The following TAFA2 variants were observed in gnomAD, a reference collection of about 807,000 sequenced individuals.
The protein encoded by TAFA2 is chemokine-like protein TAFA-2.
In TAFA2, 7 loss-of-function variants were observed where a neutral mutation model predicts 18.8. That is an observed-to-expected ratio of 0.37 (90% CI 0.21 to 0.70). The LOEUF is 0.70. Ranked by LOEUF, TAFA2 falls within the 30% of genes least tolerant of loss-of-function variation. The pLI is 0.53. For synonymous variants in TAFA2, 60 were observed against 54.2 expected (o/e 1.11, Z -0.47); for missense variants, 122 against 158.1 (o/e 0.77, Z 1.23).
chr12:61,995,748 T>C (rs1309475743), intron 1 of TAFA2, among the ~76,000 whole-genome samples: 1 of 152,158 alleles, frequency 6.6e-6, no homozygotes, highest in Non-Finnish European at 1.5e-5. Flanking sequence ...TTGTTACGGC[T>C]TAGGGTAGAT....
At chr12:61,783,716 T>G (rs1870605050) in intron 2 of TAFA2, among the ~76,000 whole-genome samples, 1 of 151,610 alleles carries the variant, frequency 6.6e-6, no homozygotes, top group Non-Finnish European at 1.5e-5. Context: ...TTAAAATTAT[T>G]TTAAATTTAA....
chr12:62,169,262 C>T (rs1407080374), intron 1 of TAFA2, among the ~76,000 whole-genome samples: 1 of 152,116 alleles, frequency 6.6e-6, no homozygotes, highest in Non-Finnish European at 1.5e-5. Flanking sequence ...GTTAGGTGAT[C>T]TGGCCAATAC....
intron 1 of TAFA2, among the ~76,000 whole-genome samples, chr12:62,153,983 T>G (rs569559371): frequency 6.6e-6 from 1 of 152,060 alleles, no homozygotes; most frequent in South Asian, 2.1e-4. Context: ...TATGTTATGT[T>G]GTTTTGTACT....
rs115221001 is a variant in TAFA2 at position 62,053,581 on chromosome 12, T to C, written c.-2+137678A>G. On this transcript the variant is annotated intron_variant, in intron 1 of 4. Coordinates refer to ENST00000416284, the MANE Select transcript of TAFA2 (RefSeq NM_178539.5). The stretch of plus-strand genomic sequence containing the variant: ...TACGTATTGTTTACTAAAAACTTAT[T>C]TTAGCCAAAAATAACACAAAGCTTC... Among the ~76,000 whole-genome samples the C allele has an allele frequency of 4.9e-3, 746 of 152,346 alleles. 6 individuals are homozygous for C. The highest frequency in any genetic ancestry group is 0.017 in the African/African-American group (718 of 41,582).
intron 2 of TAFA2, among the ~76,000 whole-genome samples, chr12:61,848,915 C>T (rs183710206): frequency 8.0e-5 from 12 of 150,580 alleles, no homozygotes; most frequent in African/African-American, 9.8e-5. Context: ...GTTCTCAGCT[C>T]ACTGCAACCT....
At chr12:62,235,226 G>A (rs894237585) in intron 1 of TAFA2, 9 of 644,902 alleles carry the variant, frequency 1.4e-5, no homozygotes, top group African/African-American at 3.6e-5. Flanking sequence ...AGTAGCTCAC[G>A]CCATGCTCAG....
chr12:61,830,128 G>A (rs1213885211), intron 2 of TAFA2, among the ~76,000 whole-genome samples: 2 of 151,232 alleles, frequency 1.3e-5, no homozygotes, highest in Non-Finnish European at 3.0e-5. Context: ...TGGTTGACTG[G>A]ATGATTGGAT....
At chr12:61,796,337 C>T (rs1182990818) in intron 2 of TAFA2, among the ~76,000 whole-genome samples, 2 of 152,010 alleles carry the variant, frequency 1.3e-5, no homozygotes, top group Admixed American at 1.3e-4. Flanking sequence ...TATAATACCA[C>T]TGAGAAATGA....
In TAFA2 at chr12:61,952,605, T is replaced by C. The variant is rs73310287; in HGVS notation, c.-1-85179A>G. On this transcript the variant is annotated intron_variant, in intron 1 of 4. Transcript: ENST00000416284. ...GACCTTCAGAACACAGTACTTGCAC[T>C]CTACTATTAACAGAAAAGAAAAAAG... is the stretch of plus-strand genomic sequence containing the variant. Among the ~76,000 whole-genome samples, 401 of 152,216 alleles carry C rather than the reference T, an allele frequency of 2.6e-3. 1 individual carries two copies. The highest frequency in any genetic ancestry group is 9.1e-3 in the African/African-American group (379 of 41,562).
chr12:61,944,942 C>CTTTT (rs1878202969), intron 1 of TAFA2, among the ~76,000 whole-genome samples: 1 of 145,344 alleles, frequency 6.9e-6, no homozygotes, highest in Non-Finnish European at 1.5e-5. Context: ...GGAATCCTCC[C>CTTTT]TAACTCATTT....
At chr12:61,881,718 T>A (rs921341265) in intron 1 of TAFA2, among the ~76,000 whole-genome samples, 2 of 152,054 alleles carry the variant, frequency 1.3e-5, no homozygotes, top group Non-Finnish European at 2.9e-5. Context: ...CCCTCCCTTT[T>A]CCCTTCAGGA....
At chr12:62,043,335 C>T (rs1881814809) in intron 1 of TAFA2, among the ~76,000 whole-genome samples, 1 of 151,926 alleles carries the variant, frequency 6.6e-6, no homozygotes. Flanking sequence ...AAACTGGAAA[C>T]CATCATTCTC....
chr12:61,711,348 C>A (rs1869398968), intron 4 of TAFA2, among the ~76,000 whole-genome samples: 1 of 151,802 alleles, frequency 6.6e-6, no homozygotes, highest in African/African-American at 2.4e-5. Flanking sequence ...ACCAACACAG[C>A]AGAAATATCT....
At chr12:62,236,680 G>T (rs1411232435) in intron 1 of TAFA2, among the ~76,000 whole-genome samples, 1 of 152,118 alleles carries the variant, frequency 6.6e-6, no homozygotes, top group Non-Finnish European at 1.5e-5. Context: ...TTGGTTGTCT[G>T]GGAAGACTTT....
At chr12:61,798,153 TC>T (rs1871263017) in intron 2 of TAFA2, among the ~76,000 whole-genome samples, 1 of 152,126 alleles carries the variant, frequency 6.6e-6, no homozygotes, top group African/African-American at 2.4e-5. Context: ...GTTTTATTAT[TC>T]TTTTTTTTGG....
chr12:61,750,497 G>A (rs1259914020), intron 4 of TAFA2, among the ~76,000 whole-genome samples: 1 of 152,044 alleles, frequency 6.6e-6, no homozygotes, highest in Non-Finnish European at 1.5e-5. Flanking sequence ...TAGGAAATGG[G>A]TCAGAACCAA....
chr12:62,188,521 C>A (rs1453934252), intron 1 of TAFA2, among the ~76,000 whole-genome samples: 2 of 152,242 alleles, frequency 1.3e-5, no homozygotes, highest in African/African-American at 4.8e-5. Flanking sequence ...AACTTTGGTG[C>A]AATCTGACAG....
intron 1 of TAFA2, among the ~76,000 whole-genome samples, chr12:62,174,807 A>T (rs2062501254): frequency 6.6e-6 from 1 of 152,204 alleles, no homozygotes; most frequent in Non-Finnish European, 1.5e-5. Context: ...ATTTCTCCTT[A>T]TATAACTGTC....
chr12:61,871,888 C>T (rs190340559), intron 1 of TAFA2, among the ~76,000 whole-genome samples: 1 of 152,136 alleles, frequency 6.6e-6, no homozygotes, highest in Non-Finnish European at 1.5e-5. Context: ...GTCAGGAGAT[C>T]GAGACCATCC....
Sources: gnomAD v4.1 joint callset for allele counts (sites outside exome capture counted in the v4.1 genomes callset) on GRCh38, gnomAD v4.1.1 for gene constraint, MANE v1.5 for transcripts, NCBI Gene and HGNC (gene_info 2026-07-23, HGNC 2026-07-21) for gene names.